Variants in UBN1 observed in about 807,000 individuals in gnomAD.
UBN1 encodes ubinuclein-1.
Under a neutral mutation model 108.5 loss-of-function variants are expected in UBN1, and 17 were observed. The observed-to-expected ratio is 0.16, with a 90% confidence interval of 0.11 to 0.24. The LOEUF (loss-of-function observed/expected upper bound fraction) is 0.24, where lower values mean the gene tolerates loss of function less well. Ranked by LOEUF, UBN1 falls within the 10% of genes least tolerant of loss-of-function variation. The pLI is 1.00. For synonymous variants in UBN1, 726 were observed against 564.2 expected (o/e 1.29, Z -4.07); for missense variants, 1,595 against 1,394.4 (o/e 1.14, Z -2.29).
rs144673758 is a variant in UBN1, at chr16:4,880,207, A to G, written c.*75A>G. On this transcript the variant is annotated 3_prime_UTR_variant, in exon 18 of 18. Coordinates refer to ENST00000262376, the MANE Select transcript of UBN1 (RefSeq NM_001079514.3). ...TGCAGGTCTCCCAGGATGTACACTCACTGCGCCCTTTCTGCTGCTTGGTGT... is the reference window on the plus strand; with the variant it reads ...TGCAGGTCTCCCAGGATGTACACTCGCTGCGCCCTTTCTGCTGCTTGGTGT... 6.0e-5 allele frequency: 89 copies of G among 1,494,404 alleles called. No individual in the cohort carries two copies. The highest frequency in any genetic ancestry group is 5.9e-4 in the Admixed American group (35 of 59,600). The allele number at this position is 1,494,404 out of a possible 1,614,324, so 92.6% of individuals were successfully genotyped here.
At chr16:4,858,500 G>C (rs1248215795) in intron 3 of UBN1, 68 bp from the exon 4 acceptor site, 2 of 1,448,010 alleles carry the variant, frequency 1.4e-6, no homozygotes, top group African/African-American at 1.4e-5. Context: ...AGCTGATGAA[G>C]TTCAAGGCCA....
chr16:4,853,179 G>C lies in UBN1; in HGVS notation c.249+13G>C. 6.2e-7 allele frequency: 1 copy of C among 1,613,484 alleles called. No individual in the cohort carries two copies. On this transcript the variant is annotated intron_variant, in intron 2 of 17. Transcript: ENST00000262376. ...GCCTGGAGATAAGGTACACCCCTTT[G>C]TTCCCAGAGGCGCTGCAGGTTTAAC...
intron 5 of UBN1, among the ~76,000 whole-genome samples, 185 bp downstream of exon 5, chr16:4,859,344 G>C (rs2086951245): frequency 6.6e-6 from 1 of 152,196 alleles, no homozygotes; most frequent in Non-Finnish European, 1.5e-5. Flanking sequence ...TGCCCGTGGG[G>C]GCTCTGTTCA....
At position 4,877,731 on chromosome 16, in the gene UBN1, A is replaced by T. The variant is rs1031913746; in HGVS notation, c.3355+257A>T. ...GATCACAGGGAAAGTTGCGGGGGGC[A>T]GGGTGGTGCGCTTTTGTGTGCGGTG... On this transcript the variant is annotated intron_variant, in intron 17 of 17. Transcript: ENST00000262376. The surrounding 1 kb of genome is among the most constrained non-coding windows in gnomAD (Gnocchi z 4.3). The T allele has an allele frequency of 9.3e-6, 11 of 1,184,424 alleles. No individual in the cohort carries two copies. Among genetic ancestry groups the T allele is most frequent in the Non-Finnish European group, 1.1e-5 (11 of 958,820 alleles). 73.4% of individuals were successfully genotyped at this position (1,184,424 alleles called of 1,614,324 possible).
At position 4,861,111 on chromosome 16, in the gene UBN1, G is replaced by C; in HGVS notation, c.1110+9G>C. ...TTAAGGAGCTGGCTCAGGTATGGTG[G>C]CACAGTGCGGCTGGGCTTTCCTGGA... On this transcript the variant is annotated intron_variant, in intron 7 of 17. Coordinates refer to ENST00000262376, the MANE Select transcript of UBN1 (RefSeq NM_001079514.3). The C allele has an allele frequency of 6.2e-7, 1 of 1,607,304 alleles. No individual in the cohort carries two copies. Among genetic ancestry groups the C allele is most frequent in the Non-Finnish European group, 8.5e-7 (1 of 1,176,938 alleles).
At chr16:4,874,070 G>C (rs2087764043) in intron 14 of UBN1, 141 bp from the exon 15 acceptor site, 1 of 1,083,492 alleles carries the variant, frequency 9.2e-7, no homozygotes, top group African/African-American at 1.6e-5. Context: ...CACAGCTCCT[G>C]CTCTGTCCCA....
Position 4,874,792 on chromosome 16 carries a change from A to C in UBN1, c.2382A>C (p.Gln794His). The C allele has an allele frequency of 6.2e-7, 1 of 1,614,114 alleles. No homozygotes were observed. The highest frequency in any genetic ancestry group is 8.5e-7 in the Non-Finnish European group (1 of 1,180,034). Residue 794 changes from glutamine (Q) to histidine (H), a missense_variant, in exon 15 of 18, where the codon CAA becomes CAC. By Grantham distance (24) the Gln-to-His change is conservative. Around this residue, in one of 3 missense-constraint regions of UBN1, gnomAD observed 1,398 missense variants for 1,194.7 expected, o/e 1.17. Coordinates refer to ENST00000262376, the MANE Select transcript of UBN1 (RefSeq NM_001079514.3). ...HSLPRTSHGP[Q>H]VAVPVPGPQV... is the part of the protein sequence containing the mutation. The stretch of plus-strand genomic sequence containing the variant: ...TGCCACGGACGTCTCACGGGCCCCA[A>C]GTGGCAGTTCCTGTGCCTGGCCCCC...
chr16:4,862,686 C>T (rs1160725725), intron 7 of UBN1, among the ~76,000 whole-genome samples: 1 of 152,256 alleles, frequency 6.6e-6, no homozygotes, highest in East Asian at 1.9e-4. Flanking sequence ...TGTCCCCACT[C>T]GTGCCATAGG....
intron 1 of UBN1, among the ~76,000 whole-genome samples, chr16:4,851,171 C>G (rs2086538690): frequency 6.6e-6 from 1 of 152,156 alleles, no homozygotes; most frequent in Non-Finnish European, 1.5e-5. Context: ...GCAAATTCAT[C>G]TGGGGTTAAT....
chr16:4,868,935 C>CTGTT (rs1567931561), intron 8 of UBN1, 32 bp downstream of exon 8: 2 of 1,607,738 alleles, frequency 1.2e-6, no homozygotes, highest in Non-Finnish European at 1.7e-6. Context: ...GTCTGTCTGT[C>CTGTT]TGTTTCTGCT....
At chr16:4,863,353 C>G (rs889051328) in intron 7 of UBN1, among the ~76,000 whole-genome samples, 2 of 152,120 alleles carry the variant, frequency 1.3e-5, no homozygotes, top group Non-Finnish European at 2.9e-5. Context: ...CATGTGTGTG[C>G]AAATGCTCAG....
chr16:4,876,768 C>A, intron 15 of UBN1, 103 bp from the exon 16 acceptor site: 1 of 1,501,258 alleles, frequency 6.7e-7, no homozygotes, highest in Non-Finnish European at 8.9e-7. Flanking sequence ...TGTATGTCCT[C>A]CTTTGTGGAC....
rs755558783 is a variant in UBN1, at chr16:4,861,085, G to A, written c.1093G>A (p.Val365Ile). 69 of 1,613,040 alleles carry A rather than the reference G, an allele frequency of 4.3e-5. No homozygotes were observed. In the Middle Eastern group the frequency reaches 5.0e-4, roughly 12 times the overall value. ...CCTGCCAGCACCCCTGGAGAAGCGCGTTAAGGAGCTGGCTCAGGTATGGTG... is the reference window on the plus strand; with the variant it reads ...CCTGCCAGCACCCCTGGAGAAGCGCATTAAGGAGCTGGCTCAGGTATGGTG... ...EGLPAPLEKR[V>I]KELAQAARAA... is the part of the protein sequence containing the mutation. The change falls in exon 7 of 18, where the codon GTT (valine) becomes ATT (isoleucine). Residue 365 changes from valine (V) to isoleucine (I), a missense_variant. By Grantham distance (29) the Val-to-Ile change is conservative. Transcript: ENST00000262376.
rs2087960308 is a variant in UBN1, at chr16:4,877,839, A to G, written c.3355+365A>G. ...GGGAAGGTAATGGTGCATCTTCTCC[A>G]AGGGCTAATTGGGTACAACAAGGTC... On this transcript the variant is annotated intron_variant, in intron 17 of 17. Transcript: ENST00000262376. The surrounding 1 kb of genome is among the most constrained non-coding windows in gnomAD (Gnocchi z 4.3). 4.9e-6 allele frequency: 5 copies of G among 1,011,028 alleles called. No homozygotes were observed. The South Asian group carries it at 1.4e-4, about 28-fold the overall frequency. 62.6% of individuals were successfully genotyped at this position (1,011,028 alleles called of 1,614,324 possible).
At chr16:4,855,599 C>G (rs962597511) in intron 2 of UBN1, among the ~76,000 whole-genome samples, 1 of 128,662 alleles carries the variant, frequency 7.8e-6, no homozygotes, top group African/African-American at 3.2e-5. Context: ...AAAGCAAGAC[C>G]CTGTGTCAAA....
intron 12 of UBN1, chr16:4,872,248 C>T (rs2087679654): frequency 1.3e-5 from 13 of 985,386 alleles, no homozygotes; most frequent in Non-Finnish European, 1.6e-5. Context: ...TGCTGGGTCA[C>T]TCCACATTTT....
intron 7 of UBN1, among the ~76,000 whole-genome samples, chr16:4,866,857 C>G (rs1033667168): frequency 6.6e-6 from 1 of 152,114 alleles, no homozygotes; most frequent in Non-Finnish European, 1.5e-5. Context: ...TAAATGGACC[C>G]GATAGATACG....
chr16:4,877,508 C>A lies in UBN1; in HGVS notation c.3355+34C>A. 1 of 1,583,470 alleles carries A rather than the reference C, an allele frequency of 6.3e-7. No individual in the cohort carries two copies. Among genetic ancestry groups the A allele is most frequent in the South Asian group, 1.1e-5 (1 of 88,438 alleles). Reference sequence around the variant, plus strand: ...CCGACGGTCAGTGTGCCACGCGCACCGTGTGCCTTTGCCCTCTCCACCCCT... The same window carrying A: ...CCGACGGTCAGTGTGCCACGCGCACAGTGTGCCTTTGCCCTCTCCACCCCT... On this transcript the variant is annotated intron_variant, in intron 17 of 17. Coordinates refer to ENST00000262376, the MANE Select transcript of UBN1 (RefSeq NM_001079514.3). The surrounding 1 kb of genome is among the most constrained non-coding windows in gnomAD (Gnocchi z 4.3).
rs779511834 is a variant in UBN1 at position 4,870,286 on chromosome 16, C to G, written c.1256C>G (p.Pro419Arg). Residue 419 changes from proline to arginine, a missense_variant, in exon 9 of 18, where the codon CCC becomes CGC. Pro to Arg is a moderately radical substitution (Grantham distance 103). This residue lies in a region of UBN1 where 1,398 missense variants were observed against 1,194.7 expected (regional missense o/e 1.17). Coordinates refer to ENST00000262376, the MANE Select transcript of UBN1 (RefSeq NM_001079514.3). The part of the protein sequence containing the change: ...GVYAYLASFL[P>R]CSKDALLKRA... ...TATGCCTATCTTGCGTCATTCCTGCCCTGCAGCAAGGATGCCCTGCTCAAG... is the reference window on the plus strand; with the variant it reads ...TATGCCTATCTTGCGTCATTCCTGCGCTGCAGCAAGGATGCCCTGCTCAAG... 7.1e-5 allele frequency: 115 copies of G among 1,614,096 alleles called. No individual in the cohort carries two copies. Among genetic ancestry groups the G allele is most frequent in the Non-Finnish European group, 9.2e-5 (108 of 1,180,044 alleles).
Sources: gnomAD v4.1 joint callset for allele counts (sites outside exome capture counted in the v4.1 genomes callset) on GRCh38, gnomAD v4.1.1 for gene constraint, gnomAD v4.1.1 regional missense constraint, Gnocchi (gnomAD v3.1) non-coding constraint, MANE v1.5 for transcripts, NCBI Gene and HGNC (gene_info 2026-07-23, HGNC 2026-07-21) for gene names.